Variants in MYO6 observed in about 807,000 individuals in gnomAD.
The protein encoded by MYO6 is myosin VI.
MYO6 carries 74 observed loss-of-function variants against 178.7 expected under a neutral mutation model. That is an observed-to-expected ratio of 0.41 (90% CI 0.34 to 0.50). The LOEUF is 0.50. Ranked by LOEUF, MYO6 falls within the 20% of genes least tolerant of loss-of-function variation. The pLI is 0.09. For missense variants in MYO6, 1,330 were observed against 1,547.4 expected (o/e 0.86, Z 2.36); for synonymous variants, 477 against 504.6 (o/e 0.95, Z 0.73).
intron 30 of MYO6, among the ~76,000 whole-genome samples, chr6:75,902,710 T>C (rs1463628828): frequency 2.0e-5 from 3 of 151,886 alleles, no homozygotes; most frequent in South Asian, 2.1e-4. Context: ...AAGGGTTTTT[T>C]GTGTCTCTAT....
intron 11 of MYO6, 140 bp downstream of exon 11, chr6:75,848,671 A>T: frequency 1.3e-6 from 1 of 788,936 alleles, no homozygotes; most frequent in East Asian, 2.7e-5. Context: ...TAAATGTTGA[A>T]TCTCCCAAAT....
chr6:75,904,315 C>A (rs1460245498), intron 30 of MYO6, among the ~76,000 whole-genome samples: 1 of 151,400 alleles, frequency 6.6e-6, no homozygotes, highest in African/African-American at 2.4e-5. Context: ...TAATATCCTG[C>A]AGAGTGTTTT....
chr6:75,909,342 C>A (rs543031309), intron 32 of MYO6, among the ~76,000 whole-genome samples: 1 of 152,316 alleles, frequency 6.6e-6, no homozygotes, highest in African/African-American at 2.4e-5. Context: ...GGAATTGATT[C>A]ATGCATTGTC....
chr6:75,860,731 G>A (rs527964604), intron 14 of MYO6, among the ~76,000 whole-genome samples: 9 of 152,144 alleles, frequency 5.9e-5, no homozygotes, highest in Non-Finnish European at 8.8e-5. Flanking sequence ...ACTCAAATTT[G>A]ATCATATATT....
At chr6:75,828,481 T>C (rs1273376558) in intron 3 of MYO6, 59 bp from the exon 4 acceptor site, 15 of 1,016,076 alleles carry the variant, frequency 1.5e-5, no homozygotes, top group African/African-American at 4.8e-5. Context: ...TAAGATAGTA[T>C]TGCTTTATTT....
intron 26 of MYO6, among the ~76,000 whole-genome samples, 166 bp from the exon 27 acceptor site, chr6:75,891,062 G>T (rs1206876928): frequency 2.0e-5 from 3 of 152,132 alleles, no homozygotes; most frequent in African/African-American, 7.2e-5. Context: ...ATTGTCAATA[G>T]AGTTAAATTT....
At chr6:75,859,248 G>A (rs955656722) in intron 14 of MYO6, among the ~76,000 whole-genome samples, 3 of 151,926 alleles carry the variant, frequency 2.0e-5, no homozygotes, top group Non-Finnish European at 4.4e-5. Flanking sequence ...GTTTTTAGTA[G>A]TGACTTTTAA....
Position 75,828,579 on chromosome 6 carries a change from A to G in MYO6, c.227A>G (p.Asn76Ser). 6.3e-7 allele frequency: 1 copy of G among 1,585,962 alleles called. No individual in the cohort carries two copies. The highest frequency in any genetic ancestry group is 8.7e-7 in the Non-Finnish European group (1 of 1,154,816). Residue 76 changes from asparagine (N) to serine (S), a missense_variant, in exon 4 of 35, where the codon AAT (asparagine) becomes AGT (serine). By Grantham distance (46) the Asn-to-Ser change is conservative (BLOSUM62 1). Coordinates refer to ENST00000369977, the MANE Select transcript of MYO6 (RefSeq NM_004999.4). Reference protein sequence around the residue: ...MYLNEATLLHNIKVRYSKDRI... With the variant: ...MYLNEATLLHSIKVRYSKDRI... ...TTAAATGAAGCCACACTGCTCCATA[A>G]TATCAAAGTTCGATATAGTAAAGAC...
chr6:75,761,993 G>A (rs528207729), intron 1 of MYO6, among the ~76,000 whole-genome samples: 1 of 151,320 alleles, frequency 6.6e-6, no homozygotes, highest in Non-Finnish European at 1.5e-5. Flanking sequence ...GTGCAGTGGC[G>A]TGATCTCGGC....
chr6:75,769,413 A>T (rs1218163035), intron 1 of MYO6, among the ~76,000 whole-genome samples: 1 of 152,222 alleles, frequency 6.6e-6, no homozygotes. Flanking sequence ...TTGGGTAAGC[A>T]TTCCCATTCC....
chr6:75,867,785 G>C (rs1318131479), intron 18 of MYO6, among the ~76,000 whole-genome samples: 2 of 152,080 alleles, frequency 1.3e-5, no homozygotes, highest in East Asian at 3.8e-4. Context: ...TTTTGGATCA[G>C]GAATTTATTC....
At chr6:75,849,516 G>A (rs1474793113) in intron 11 of MYO6, among the ~76,000 whole-genome samples, 1 of 152,148 alleles carries the variant, frequency 6.6e-6, no homozygotes, top group Non-Finnish European at 1.5e-5. Flanking sequence ...CCAGTACCTA[G>A]TGTAATGCTA....
At chr6:75,903,046 T>C (rs1779950832) in intron 30 of MYO6, among the ~76,000 whole-genome samples, 1 of 152,206 alleles carries the variant, frequency 6.6e-6, no homozygotes, top group Admixed American at 6.5e-5. Context: ...TTGAGTGAGA[T>C]TCTTAATCCT....
chr6:75,772,664 T>C (rs563903479), intron 1 of MYO6, among the ~76,000 whole-genome samples: 3 of 152,334 alleles, frequency 2.0e-5, no homozygotes, highest in African/African-American at 7.2e-5. Context: ...CCTTCAGGTA[T>C]AGGTGGATGA....
At chr6:75,756,421 C>T (rs2149964939) in intron 1 of MYO6, among the ~76,000 whole-genome samples, 1 of 152,272 alleles carries the variant, frequency 6.6e-6, no homozygotes, top group South Asian at 2.1e-4. Context: ...CAACTTCCGC[C>T]TCTCGGGTTC....
chr6:75,815,946 A>AT (rs1771198730), intron 1 of MYO6, among the ~76,000 whole-genome samples: 1 of 152,252 alleles, frequency 6.6e-6, no homozygotes. Context: ...TTTTAGTCTC[A>AT]TAGCATCCAG....
chr6:75,830,061 G>T (rs1418099961), intron 4 of MYO6, among the ~76,000 whole-genome samples: 2 of 152,204 alleles, frequency 1.3e-5, no homozygotes, highest in Non-Finnish European at 2.9e-5. Context: ...TAGAGCTAGA[G>T]ACTCAGATTT....
At chr6:75,900,953 A>G (rs9360955) in intron 30 of MYO6, among the ~76,000 whole-genome samples, 56,377 of 146,336 alleles carry the variant, frequency 0.39, 11,788 homozygotes, top group Middle Eastern at 0.52. Flanking sequence ...TCTACATATG[A>G]CTAGCCAGTT....
chr6:75,750,534 T>A (rs1417815518), intron 1 of MYO6, among the ~76,000 whole-genome samples: 1 of 151,126 alleles, frequency 6.6e-6, no homozygotes, highest in Non-Finnish European at 1.5e-5. Context: ...AAGCCTCATT[T>A]TTTTTTTTTT....
Sources: gnomAD v4.1 joint callset for allele counts (sites outside exome capture counted in the v4.1 genomes callset) on GRCh38, gnomAD v4.1.1 for gene constraint, MANE v1.5 for transcripts, NCBI Gene and HGNC (gene_info 2026-07-23, HGNC 2026-07-21) for gene names.